The following SCG5 variants were observed in gnomAD, a reference collection of about 807,000 sequenced individuals.
The protein encoded by SCG5 is secretogranin V.
SCG5 carries 18 observed loss-of-function variants against 25.7 expected under a neutral mutation model. The ratio of observed to expected loss-of-function variants is 0.70; its 90% CI spans 0.48 to 1.04. The LOEUF is 1.04. SCG5 is among the 50% of genes least tolerant of loss of function. The probability of loss-of-function intolerance (pLI) is 0.00; values close to 1 mark genes in which losing one functional copy is unlikely to be tolerated. For missense variants in SCG5, 206 were observed against 259.8 expected (o/e 0.79, Z 1.42); for synonymous variants, 101 against 91.7 (o/e 1.10, Z -0.58).
chr15:32,661,633 G>A (rs2054220341), intron 2 of SCG5, among the ~76,000 whole-genome samples: 1 of 152,044 alleles, frequency 6.6e-6, no homozygotes, highest in African/African-American at 2.4e-5. Context: ...AAAAAAAAGA[G>A]AAGAAAGAAA....
At chr15:32,686,677 A>G (rs1489087252) in intron 4 of SCG5, among the ~76,000 whole-genome samples, 6 of 152,182 alleles carry the variant, frequency 3.9e-5, no homozygotes. Flanking sequence ...GCATTGCCAA[A>G]CAGAAGCAAA....
chr15:32,647,257 A>C (rs1260600845), intron 2 of SCG5, among the ~76,000 whole-genome samples: 4 of 152,228 alleles, frequency 2.6e-5, no homozygotes, highest in African/African-American at 9.6e-5. Context: ...ACAAATCATC[A>C]TCATCATCAC....
In SCG5 at chr15:32,649,878, T is replaced by C. The variant is rs531285088; in HGVS notation, c.226+6060T>C. On this transcript the variant is annotated intron_variant, in intron 2 of 5. Transcript: ENST00000300175. ...GCTATGTGTAATCCTGGCAACTTTC[T>C]AAGCCTAGTTCTCTCAAATAAAATC... Among the ~76,000 whole-genome samples the C allele has an allele frequency of 5.3e-5, 8 of 152,354 alleles. No homozygotes were observed. In the South Asian group the frequency reaches 1.7e-3, roughly 32 times the overall value.
chr15:32,690,455 T>TC (rs1390372328), intron 4 of SCG5, among the ~76,000 whole-genome samples: 1 of 152,192 alleles, frequency 6.6e-6, no homozygotes, highest in Non-Finnish European at 1.5e-5. Context: ...ATATCCTCAT[T>TC]CCTCAAGGAA....
At chr15:32,667,173 A>T (rs1595802985) in intron 2 of SCG5, among the ~76,000 whole-genome samples, 1 of 152,308 alleles carries the variant, frequency 6.6e-6, no homozygotes, top group South Asian at 2.1e-4. Flanking sequence ...TTAAAATTAC[A>T]AATGTAGTTC....
intron 2 of SCG5, chr15:32,665,782 G>A (rs549218872): frequency 2.0e-5 from 3 of 152,316 alleles, no homozygotes; most frequent in South Asian, 2.1e-4. Flanking sequence ...GGGCTCCAGA[G>A]CTGGCAATTT....
At chr15:32,668,494 A>T (rs2054359549) in intron 2 of SCG5, among the ~76,000 whole-genome samples, 6 of 152,146 alleles carry the variant, frequency 3.9e-5, no homozygotes, top group Admixed American at 3.9e-4. Flanking sequence ...GTGTACCCAA[A>T]ATCTGTGCTA....
At chr15:32,654,720 C>T (rs1453971275) in intron 2 of SCG5, among the ~76,000 whole-genome samples, 3 of 152,162 alleles carry the variant, frequency 2.0e-5, no homozygotes, top group Non-Finnish European at 2.9e-5. Flanking sequence ...CTGAGATTTG[C>T]AAATGCGCAC....
chr15:32,669,526 A>G (rs1253070571), intron 2 of SCG5, among the ~76,000 whole-genome samples: 1 of 152,202 alleles, frequency 6.6e-6, no homozygotes, highest in African/African-American at 2.4e-5. Flanking sequence ...TATAAAATAA[A>G]GTTTTTAAAG....
intron 2 of SCG5, among the ~76,000 whole-genome samples, chr15:32,655,407 C>T (rs2054101049): frequency 6.6e-6 from 1 of 152,164 alleles, no homozygotes; most frequent in Non-Finnish European, 1.5e-5. Flanking sequence ...TACCCATTTT[C>T]CCCTTTTCCT....
intron 2 of SCG5, among the ~76,000 whole-genome samples, chr15:32,667,629 G>A (rs1365603684): frequency 6.6e-6 from 1 of 151,940 alleles, no homozygotes; most frequent in African/African-American, 2.4e-5. Context: ...GCACAAAGTT[G>A]ATAATAACTA....
At chr15:32,684,443 C>T (rs1483227896) in intron 3 of SCG5, 114 bp from the exon 4 acceptor site, 2 of 671,400 alleles carry the variant, frequency 3.0e-6, no homozygotes, top group Non-Finnish European at 5.3e-6. Context: ...TTCTAAGTTA[C>T]TACTGATGTG....
At chr15:32,649,147 C>T (rs2053995648) in intron 2 of SCG5, among the ~76,000 whole-genome samples, 1 of 152,112 alleles carries the variant, frequency 6.6e-6, no homozygotes. Flanking sequence ...AATGTAAGCT[C>T]CATGAGGCTA....
intron 2 of SCG5, among the ~76,000 whole-genome samples, chr15:32,645,530 A>C (rs997770224): frequency 6.6e-6 from 1 of 152,216 alleles, no homozygotes; most frequent in African/African-American, 2.4e-5. Flanking sequence ...TGTACACACA[A>C]GCTGCCGCCG....
chr15:32,681,252 T>C (rs1402917890), intron 3 of SCG5, among the ~76,000 whole-genome samples: 1 of 152,108 alleles, frequency 6.6e-6, no homozygotes, highest in Non-Finnish European at 1.5e-5. Context: ...TTGCTTTCAA[T>C]AGGAAAAACT....
chr15:32,656,816 A>G (rs1266093312), intron 2 of SCG5, among the ~76,000 whole-genome samples: 1 of 152,144 alleles, frequency 6.6e-6, no homozygotes, highest in Non-Finnish European at 1.5e-5. Flanking sequence ...GGTTTAGCAG[A>G]CCACAATTTC....
chr15:32,643,497 C>A, intron 1 of SCG5, 89 bp from the exon 2 acceptor site: 1 of 1,108,156 alleles, frequency 9.0e-7, no homozygotes, highest in Non-Finnish European at 1.4e-6. Flanking sequence ...GTCCTCGAAC[C>A]ACAACCTGGA....
chr15:32,644,409 A>G (rs1281390590), intron 2 of SCG5, among the ~76,000 whole-genome samples: 3 of 152,230 alleles, frequency 2.0e-5, no homozygotes, highest in Non-Finnish European at 4.4e-5. Context: ...ATTTAAAAAT[A>G]TAACAATTTT....
intron 2 of SCG5, among the ~76,000 whole-genome samples, chr15:32,657,209 A>ATATATGTATG: frequency 0.019 from 741 of 38,716 alleles, 172 homozygotes; most frequent in African/African-American, 0.041. Flanking sequence ...GTATATATAT[A>ATATATGTATG]TATGTATGTA....
Sources: allele counts gnomAD v4.1 joint callset (sites outside exome capture counted in the v4.1 genomes callset), GRCh38; gene constraint gnomAD v4.1.1; transcripts MANE v1.5; gene names NCBI Gene and HGNC (gene_info 2026-07-23, HGNC 2026-07-21).